GRIK1: variants seen among roughly 807,000 people sequenced by gnomAD.
GRIK1 encodes glutamate ionotropic receptor kainate type subunit 1.
GRIK1 carries 69 observed loss-of-function variants against 105.7 expected under a neutral mutation model. The observed-to-expected ratio is 0.65, with a 90% CI of 0.54 to 0.80. GRIK1 has a LOEUF of 0.80. Among genes scored for constraint, GRIK1 ranks in the 30% least tolerant of loss-of-function variants. The probability of loss-of-function intolerance (pLI) is 0.00; values close to 1 mark genes in which losing one functional copy is unlikely to be tolerated. For missense variants in GRIK1, 1,109 were observed against 1,167.3 expected (o/e 0.95, Z 0.73); for synonymous variants, 438 against 431.3 (o/e 1.02, Z -0.19).
intron 4 of GRIK1, among the ~76,000 whole-genome samples, chr21:29,661,844 A>G (rs1329819410): frequency 6.6e-6 from 1 of 152,172 alleles, no homozygotes; most frequent in East Asian, 1.9e-4. Flanking sequence ...GAGGTTGACA[A>G]CTTGCTAAGT....
At chr21:29,860,213 A>T (rs982246888) in intron 1 of GRIK1, among the ~76,000 whole-genome samples, 1 of 152,198 alleles carries the variant, frequency 6.6e-6, no homozygotes, top group African/African-American at 2.4e-5. Context: ...AGAAAATAAG[A>T]GGCTATCTAC....
At chr21:29,688,413 G>A (rs1411450685) in intron 3 of GRIK1, among the ~76,000 whole-genome samples, 1 of 152,108 alleles carries the variant, frequency 6.6e-6, no homozygotes, top group African/African-American at 2.4e-5. Context: ...AAGCGAAACC[G>A]TATTGCAAAG....
chr21:29,590,296 T>C (rs2146288685), intron 10 of GRIK1, among the ~76,000 whole-genome samples: 1 of 152,294 alleles, frequency 6.6e-6, no homozygotes, highest in African/African-American at 2.4e-5. Context: ...ATATCAACAA[T>C]AAATTGATTT....
At chr21:29,820,197 A>G (rs1047946302) in intron 1 of GRIK1, among the ~76,000 whole-genome samples, 1 of 152,078 alleles carries the variant, frequency 6.6e-6, no homozygotes, top group Admixed American at 6.6e-5. Context: ...TAATCCTTGA[A>G]AAAGTGTCTA....
intron 14 of GRIK1, among the ~76,000 whole-genome samples, chr21:29,563,150 C>T (rs763980560): frequency 6.6e-6 from 1 of 152,152 alleles, no homozygotes; most frequent in Non-Finnish European, 1.5e-5. Context: ...TTAGACAAAT[C>T]CCTTGGCAGG....
intron 7 of GRIK1, among the ~76,000 whole-genome samples, chr21:29,620,282 C>T (rs1456587537): frequency 6.6e-6 from 1 of 152,168 alleles, no homozygotes; most frequent in Non-Finnish European, 1.5e-5. Flanking sequence ...TGAGACGTAA[C>T]AGGTATTTCT....
intron 1 of GRIK1, among the ~76,000 whole-genome samples, chr21:29,820,936 A>G (rs2067284203): frequency 6.6e-6 from 1 of 151,894 alleles, no homozygotes; most frequent in Non-Finnish European, 1.5e-5. Flanking sequence ...AATAACCATA[A>G]TTCCTAAGCC....
At position 29,654,861 on chromosome 21, in the gene GRIK1, A is replaced by T. The variant is rs774928435; in HGVS notation, c.729T>A (p.Ile243=). The T allele has an allele frequency of 1.3e-6, 2 of 1,567,930 alleles. No homozygotes were observed. Among genetic ancestry groups the T allele is most frequent in the South Asian group, 2.2e-5 (2 of 90,132 alleles). Residue 243 remains isoleucine, a splice_region_variant and synonymous_variant, in exon 5 of 18, where the codon ATT becomes ATA. Coordinates refer to ENST00000327783, the MANE Select transcript of GRIK1 (RefSeq NM_001330994.2). ...ACTCGGTCATCATGCCCATGAACAG[A>T]ATCTGCAAAAGAGAAATAAGGGGAA... The part of the protein sequence containing the change: ...HETAAEILKQ[I]LFMGMMTEYY...
intron 11 of GRIK1, among the ~76,000 whole-genome samples, chr21:29,588,128 C>G (rs1238030668): frequency 2.6e-5 from 4 of 151,668 alleles, no homozygotes; most frequent in African/African-American, 9.7e-5. Flanking sequence ...GCGCCCACCA[C>G]CACGCCTGGC....
chr21:29,716,448 G>A (rs374038678), intron 1 of GRIK1, among the ~76,000 whole-genome samples: 4 of 152,240 alleles, frequency 2.6e-5, no homozygotes, highest in East Asian at 1.9e-4. Flanking sequence ...AGGAGGATGT[G>A]GGAAAATTTG....
chr21:29,609,181 A>G (rs1416871432), intron 7 of GRIK1, among the ~76,000 whole-genome samples: 3 of 151,408 alleles, frequency 2.0e-5, no homozygotes, highest in African/African-American at 7.3e-5. Context: ...ATAGCTTTAC[A>G]TATCTTATTA....
intron 1 of GRIK1, among the ~76,000 whole-genome samples, chr21:29,707,046 A>G (rs931661219): frequency 2.6e-5 from 4 of 151,412 alleles, no homozygotes; most frequent in African/African-American, 9.7e-5. Flanking sequence ...TTGTATTTTT[A>G]GTAGAGACAG....
intron 1 of GRIK1, among the ~76,000 whole-genome samples, chr21:29,741,488 C>T (rs1016123902): frequency 2.0e-5 from 3 of 152,032 alleles, no homozygotes; most frequent in African/African-American, 7.2e-5. Flanking sequence ...TCTTATCAGC[C>T]AAGAAGCAAA....
intron 5 of GRIK1, among the ~76,000 whole-genome samples, chr21:29,651,495 T>A (rs2062737138): frequency 6.6e-6 from 1 of 152,174 alleles, no homozygotes; most frequent in Admixed American, 6.5e-5. Flanking sequence ...TTCATAATTT[T>A]AAAATTGCAC....
At chr21:29,693,860 AC>A (rs768042888) in intron 2 of GRIK1, 35 bp downstream of exon 2, 1 of 1,519,214 alleles carries the variant, frequency 6.6e-7, no homozygotes, top group South Asian at 1.1e-5. Flanking sequence ...CAGACATATC[AC>A]CCAAAGAAGC....
At chr21:29,773,488 C>T (rs537373613) in intron 1 of GRIK1, among the ~76,000 whole-genome samples, 1 of 152,218 alleles carries the variant, frequency 6.6e-6, no homozygotes, top group Admixed American at 6.5e-5. Context: ...ATATGTCTAC[C>T]TGTCTTTCTC....
chr21:29,793,505 T>C (rs2066480622), intron 1 of GRIK1, among the ~76,000 whole-genome samples: 1 of 151,432 alleles, frequency 6.6e-6, no homozygotes, highest in African/African-American at 2.4e-5. Context: ...CCTTTTCCTT[T>C]TCCCCTCTCT....
At chr21:29,930,526 C>A (rs2071531115) in intron 1 of GRIK1, among the ~76,000 whole-genome samples, 1 of 152,126 alleles carries the variant, frequency 6.6e-6, no homozygotes, top group Non-Finnish European at 1.5e-5. Flanking sequence ...CATATTTAGA[C>A]AATTTTGCTA....
intron 1 of GRIK1, among the ~76,000 whole-genome samples, chr21:29,935,907 G>T (rs2071731279): frequency 6.6e-6 from 1 of 151,938 alleles, no homozygotes; most frequent in Non-Finnish European, 1.5e-5. Flanking sequence ...ACCCTGTTTA[G>T]GAAGAAAATG....
Sources: allele counts gnomAD v4.1 joint callset (sites outside exome capture counted in the v4.1 genomes callset), GRCh38; gene constraint gnomAD v4.1.1; transcripts MANE v1.5; gene names NCBI Gene and HGNC (gene_info 2026-07-23, HGNC 2026-07-21).